XPR1: variants seen among roughly 807,000 people sequenced by gnomAD.
XPR1 encodes the protein xenotropic and polytropic retrovirus receptor 1.
In XPR1, 28 loss-of-function variants were observed where a neutral mutation model predicts 87.5. That is an observed-to-expected ratio of 0.32 (90% CI 0.24 to 0.44). The LOEUF (loss-of-function observed/expected upper bound fraction) is 0.44. XPR1 is among the 20% of genes least tolerant of loss of function. The pLI is 1.00. For missense variants in XPR1, 559 were observed against 862.3 expected (o/e 0.65, Z 4.41); for synonymous variants, 300 against 306.1 (o/e 0.98, Z 0.21).
chr1:180,849,808 A>T (rs1232139697), intron 11 of XPR1, among the ~76,000 whole-genome samples: 3 of 152,164 alleles, frequency 2.0e-5, no homozygotes, highest in Non-Finnish European at 2.9e-5. Flanking sequence ...GTAAGTTTTC[A>T]TAGAGAGGAA....
intron 2 of XPR1, among the ~76,000 whole-genome samples, chr1:180,727,715 C>T (rs1238366544): frequency 1.3e-5 from 2 of 152,194 alleles, no homozygotes; most frequent in African/African-American, 2.4e-5. Context: ...GCTCCATAGA[C>T]AAGAGCATAC....
intron 3 of XPR1, among the ~76,000 whole-genome samples, chr1:180,792,574 T>A (rs1032975389): frequency 6.6e-6 from 1 of 152,200 alleles, no homozygotes; most frequent in Non-Finnish European, 1.5e-5. Context: ...TTATTATGTA[T>A]CTTTGGTTAA....
intron 2 of XPR1, among the ~76,000 whole-genome samples, chr1:180,787,171 A>G (rs1379496369): frequency 1.3e-5 from 2 of 152,048 alleles, no homozygotes; most frequent in African/African-American, 2.4e-5. Flanking sequence ...TTTCTCTTCT[A>G]AAGTCTTAGA....
At chr1:180,662,354 G>A (rs1470250502) in intron 1 of XPR1, among the ~76,000 whole-genome samples, 1 of 152,028 alleles carries the variant, frequency 6.6e-6, no homozygotes, top group Non-Finnish European at 1.5e-5. Flanking sequence ...ACCGGAAAAG[G>A]CTTTATTTCT....
intron 2 of XPR1, among the ~76,000 whole-genome samples, chr1:180,704,371 C>G (rs1657478135): frequency 6.7e-6 from 1 of 148,894 alleles, no homozygotes; most frequent in African/African-American, 2.5e-5. Context: ...TATCCTAATG[C>G]TCCTGTGTTT....
chr1:180,742,967 A>G (rs1303218026), intron 2 of XPR1, among the ~76,000 whole-genome samples: 1 of 151,992 alleles, frequency 6.6e-6, no homozygotes, highest in Non-Finnish European at 1.5e-5. Context: ...TAGTATTTGC[A>G]TGGTGTATCT....
At chr1:180,652,106 A>G (rs1474449178) in intron 1 of XPR1, among the ~76,000 whole-genome samples, 4 of 152,188 alleles carry the variant, frequency 2.6e-5, no homozygotes, top group Non-Finnish European at 5.9e-5. Flanking sequence ...AGCCTGGTCA[A>G]CATGGTGAAA....
chr1:180,811,604 C>A, intron 7 of XPR1, 116 bp downstream of exon 7: 1 of 804,050 alleles, frequency 1.2e-6, no homozygotes, highest in Non-Finnish European at 1.9e-6. Context: ...ATAAATCTAT[C>A]AGGGCTAAGT....
intron 2 of XPR1, among the ~76,000 whole-genome samples, chr1:180,689,212 C>G (rs1430769070): frequency 6.6e-6 from 1 of 152,052 alleles, no homozygotes; most frequent in Non-Finnish European, 1.5e-5. Context: ...TTGCATGACT[C>G]AGTAATGACA....
intron 3 of XPR1, among the ~76,000 whole-genome samples, chr1:180,793,295 G>A (rs771453037): frequency 6.6e-6 from 1 of 152,002 alleles, no homozygotes; most frequent in Non-Finnish European, 1.5e-5. Context: ...CTTGCTGTAT[G>A]TTTTTATTAT....
At chr1:180,830,744 C>T (rs541863794) in intron 9 of XPR1, among the ~76,000 whole-genome samples, 190 of 152,306 alleles carry the variant, frequency 1.2e-3, no homozygotes, top group African/African-American at 4.4e-3. Context: ...CCCATCTTCA[C>T]TTCACACAGC....
At chr1:180,808,985 T>C (rs1392044291) in intron 6 of XPR1, among the ~76,000 whole-genome samples, 1 of 152,200 alleles carries the variant, frequency 6.6e-6, no homozygotes. Flanking sequence ...TCTACACAAA[T>C]GTTCATAGCA....
Position 180,834,805 on chromosome 1 carries a change from G to T in XPR1, c.1135-69G>T. 8 of 1,481,760 alleles carry T rather than the reference G, an allele frequency of 5.4e-6. No individual in the cohort carries two copies. The South Asian group carries it at 9.3e-5, about 17-fold the overall frequency. 91.8% of individuals were successfully genotyped at this position (1,481,760 alleles called of 1,614,324 possible). On this transcript the variant is annotated intron_variant, in intron 9 of 14. Transcript: ENST00000367590. ...CTAAAGTAATCATGCTGAATGGTCA[G>T]ACATGAAATGGAGACATTTAATACG...
At chr1:180,684,667 G>A (rs1656702998) in intron 2 of XPR1, among the ~76,000 whole-genome samples, 1 of 152,086 alleles carries the variant, frequency 6.6e-6, no homozygotes, top group Admixed American at 6.5e-5. Flanking sequence ...ATTTGATTGA[G>A]CAGTGGTTTG....
intron 2 of XPR1, among the ~76,000 whole-genome samples, chr1:180,770,129 G>A (rs1168701171): frequency 6.6e-6 from 1 of 152,118 alleles, no homozygotes; most frequent in Non-Finnish European, 1.5e-5. Flanking sequence ...TTGCTTCAGT[G>A]CTCAGCTACC....
chr1:180,642,950 A>G (rs1655004575), intron 1 of XPR1, among the ~76,000 whole-genome samples: 1 of 152,188 alleles, frequency 6.6e-6, no homozygotes, highest in African/African-American at 2.4e-5. Flanking sequence ...AACAGAGACA[A>G]AGATGAGTGG....
intron 10 of XPR1, 45 bp from the exon 11 acceptor site, chr1:180,836,477 T>C (rs1176928566): frequency 1.2e-6 from 2 of 1,608,960 alleles, no homozygotes; most frequent in African/African-American, 2.7e-5. Context: ...TGTGAACAAG[T>C]TACTTTTTTT....
At position 180,711,237 on chromosome 1, in the gene XPR1, C is replaced by T. The variant is rs560648743; in HGVS notation, c.121+28826C>T. On this transcript the variant is annotated intron_variant, in intron 2 of 14. Coordinates refer to ENST00000367590, the MANE Select transcript of XPR1 (RefSeq NM_004736.4). ...GGCGGCCGGGCAGAGGCTGCAATCT[C>T]GGCACTTTGGGAGGCCAAGGCAGGC... Among the ~76,000 whole-genome samples the T allele has an allele frequency of 9.9e-5, 15 of 151,054 alleles. No individual in the cohort carries two copies. In the East Asian group the frequency reaches 2.2e-3, roughly 22 times the overall value.
At chr1:180,768,574 G>C (rs895197110) in intron 2 of XPR1, among the ~76,000 whole-genome samples, 4 of 152,224 alleles carry the variant, frequency 2.6e-5, no homozygotes. Flanking sequence ...GCAGGATTTA[G>C]GAATGCCACC....
Sources: gnomAD v4.1 joint callset for allele counts (sites outside exome capture counted in the v4.1 genomes callset) on GRCh38, gnomAD v4.1.1 for gene constraint, MANE v1.5 for transcripts, NCBI Gene and HGNC (gene_info 2026-07-23, HGNC 2026-07-21) for gene names.